Variants in ZNF362 observed in about 807,000 individuals in gnomAD.
ZNF362 encodes zinc finger protein 362.
Under a neutral mutation model 42.9 loss-of-function variants are expected in ZNF362, and 11 were observed. That is an observed-to-expected ratio of 0.26 (90% CI 0.16 to 0.42). ZNF362 has a LOEUF of 0.42. Among genes scored for constraint, ZNF362 ranks in the 20% least tolerant of loss-of-function variants. The probability of loss-of-function intolerance (pLI) is 1.00; values close to 1 mark genes in which losing one functional copy is unlikely to be tolerated. For synonymous variants in ZNF362, 255 were observed against 257.3 expected (o/e 0.99, Z 0.09); for missense variants, 362 against 576.2 (o/e 0.63, Z 3.81).
intron 6 of ZNF362, among the ~76,000 whole-genome samples, chr1:33,286,506 T>C (rs1376219733): frequency 6.6e-6 from 1 of 151,304 alleles, no homozygotes; most frequent in Non-Finnish European, 1.5e-5. Flanking sequence ...TTTTTTTCCC[T>C]CTCTCTCTCT....
the ZNF362 span, among the ~76,000 whole-genome samples, chr1:33,131,189 T>G: frequency 6.6e-6 from 1 of 152,240 alleles, no homozygotes; most frequent in South Asian, 2.1e-4. Context: ...TTCCTGAGTT[T>G]GATTTACTTG....
chr1:33,147,693 G>C, the ZNF362 span: 1 of 1,613,308 alleles, frequency 6.2e-7, no homozygotes, highest in Middle Eastern at 1.6e-4. This position sits in a 1 kb window ranked among gnomAD's most constrained non-coding sequence, Gnocchi z 8.1. Context: ...GGCGCTGGTG[G>C]GCTGTGCCCG....
the ZNF362 span, among the ~76,000 whole-genome samples, chr1:33,208,993 C>T: frequency 1.3e-5 from 2 of 152,156 alleles, no homozygotes; most frequent in African/African-American, 4.8e-5. Flanking sequence ...GCATCCTTGT[C>T]TTGTCCCAGT....
chr1:33,166,193 A>G, the ZNF362 span: 4 of 152,390 alleles, frequency 2.6e-5, no homozygotes, highest in Non-Finnish European at 4.4e-5. Flanking sequence ...AGCTGCGGAA[A>G]AACAAGCTCA....
chr1:33,207,990 C>G, the ZNF362 span, among the ~76,000 whole-genome samples: 1 of 152,122 alleles, frequency 6.6e-6, no homozygotes, highest in Non-Finnish European at 1.5e-5. Flanking sequence ...GTTGCCATTG[C>G]TTTTGGTGTT....
intron 6 of ZNF362, among the ~76,000 whole-genome samples, chr1:33,285,307 G>T (rs1430795473): frequency 6.6e-6 from 1 of 152,036 alleles, no homozygotes; most frequent in Non-Finnish European, 1.5e-5. Context: ...CCATCTACTC[G>T]GGAGGCTGAG....
chr1:33,135,823 G>A, the ZNF362 span, among the ~76,000 whole-genome samples: 10 of 152,170 alleles, frequency 6.6e-5, no homozygotes, highest in African/African-American at 2.4e-4. Context: ...CCTGGGATGC[G>A]GCTGTTGTTG....
At chr1:33,168,067 G>A in the ZNF362 span, among the ~76,000 whole-genome samples, 27 of 152,186 alleles carry the variant, frequency 1.8e-4, no homozygotes, top group Non-Finnish European at 2.8e-4. Flanking sequence ...ATAAAGCAGT[G>A]TGAGATGGAG....
chr1:33,299,096 G>A lies in ZNF362; in HGVS notation c.*50G>A, dbSNP rs760938950. 1.4e-6 allele frequency: 2 copies of A among 1,438,614 alleles called. No homozygotes were observed. The highest frequency in any genetic ancestry group is 1.9e-6 in the Non-Finnish European group (2 of 1,034,364). 89.1% of individuals were successfully genotyped at this position (1,438,614 alleles called of 1,614,324 possible). On this transcript the variant is annotated 3_prime_UTR_variant, in exon 9 of 9. Transcript: ENST00000539719. Reference sequence around the variant, plus strand: ...CGGCCCACTGGCAGACACAGACCCAGGCAGCACCAGGCCCCAGCTCCCTCC... The same window carrying A: ...CGGCCCACTGGCAGACACAGACCCAAGCAGCACCAGGCCCCAGCTCCCTCC...
At chr1:33,166,941 T>A in the ZNF362 span, among the ~76,000 whole-genome samples, 5 of 152,168 alleles carry the variant, frequency 3.3e-5, no homozygotes, top group African/African-American at 1.2e-4. Flanking sequence ...ATACTATTCA[T>A]CTTGATTGCT....
the ZNF362 span, among the ~76,000 whole-genome samples, chr1:33,141,105 C>T: frequency 8.0e-4 from 122 of 152,146 alleles, 1 homozygote; most frequent in East Asian, 0.015. Context: ...TGTTGGGGCC[C>T]GTGATGCTGA....
the ZNF362 span, among the ~76,000 whole-genome samples, chr1:33,219,092 A>G: frequency 6.6e-6 from 1 of 152,094 alleles, no homozygotes; most frequent in South Asian, 2.1e-4. Context: ...TAGTCTCTAG[A>G]GATAACCTCT....
the ZNF362 span, among the ~76,000 whole-genome samples, chr1:33,172,576 G>A: frequency 6.6e-6 from 1 of 152,256 alleles, no homozygotes; most frequent in East Asian, 1.9e-4. Context: ...GATGAGGTGA[G>A]TGGGGAGGAC....
At chr1:33,189,362 G>T in the ZNF362 span, among the ~76,000 whole-genome samples, 7 of 151,948 alleles carry the variant, frequency 4.6e-5, no homozygotes, top group Admixed American at 1.3e-4. Context: ...CTCTGGTCCT[G>T]CTCAGGCCTA....
chr1:33,255,621 C>T (rs1645781571), upstream of ZNF362, among the ~76,000 whole-genome samples: 1 of 152,098 alleles, frequency 6.6e-6, no homozygotes. Context: ...AGGTCTGGAG[C>T]CGGGGGACAG....
the ZNF362 span, among the ~76,000 whole-genome samples, chr1:33,242,533 G>A: frequency 8.5e-5 from 13 of 152,196 alleles, no homozygotes; most frequent in South Asian, 6.2e-4. Context: ...ATCCTAGCAA[G>A]CAGTTAGTGA....
chr1:33,269,712 C>CT (rs1313789107), intron 1 of ZNF362, among the ~76,000 whole-genome samples: 2 of 152,156 alleles, frequency 1.3e-5, no homozygotes, highest in Non-Finnish European at 2.9e-5. Context: ...TCAAATCTCA[C>CT]TTTTTAATGT....
chr1:33,171,634 A>T, the ZNF362 span, among the ~76,000 whole-genome samples: 3 of 152,226 alleles, frequency 2.0e-5, no homozygotes, highest in African/African-American at 7.2e-5. Context: ...TTAGTCGAGG[A>T]GGAAGAAACT....
the ZNF362 span, among the ~76,000 whole-genome samples, chr1:33,230,073 T>C: frequency 6.6e-6 from 1 of 152,190 alleles, no homozygotes; most frequent in African/African-American, 2.4e-5. Flanking sequence ...GTGCTTCTAC[T>C]GACTCTTCAG....
Sources: allele counts gnomAD v4.1 joint callset (sites outside exome capture counted in the v4.1 genomes callset), GRCh38; gene constraint gnomAD v4.1.1; non-coding constraint Gnocchi (gnomAD v3.1); transcripts MANE v1.5; gene names NCBI Gene and HGNC (gene_info 2026-07-23, HGNC 2026-07-21).